The following PRKG1 variants were observed in gnomAD, a reference collection of about 807,000 sequenced individuals.
PRKG1 encodes cGMP-dependent protein kinase 1.
A neutral mutation model predicts 88.1 loss-of-function variants in PRKG1; 35 were observed. The ratio of observed to expected loss-of-function variants is 0.40; its 90% CI spans 0.30 to 0.53. The LOEUF is 0.53. PRKG1 is among the 20% of genes least tolerant of loss of function. PRKG1 has a pLI of 0.59. For synonymous variants in PRKG1, 303 were observed against 292.5 expected (o/e 1.04, Z -0.37); for missense variants, 540 against 839.8 (o/e 0.64, Z 4.41).
chr10:51,589,071 C>T (rs1838243898), intron 3 of PRKG1, among the ~76,000 whole-genome samples: 1 of 152,112 alleles, frequency 6.6e-6, no homozygotes. Context: ...AAACCATTCC[C>T]TGTCATTAGA....
rs184548617 is a variant in PRKG1 at position 51,513,136 on chromosome 10, A to C, written c.592+45300A>C. On this transcript the variant is annotated intron_variant, in intron 3 of 17. Transcript: ENST00000373980. ...CAGAGACACACATAGGCTCAAAATAAAAGGATGGAGGAAGATCTACCAAGC... is the reference window on the plus strand; with the variant it reads ...CAGAGACACACATAGGCTCAAAATACAAGGATGGAGGAAGATCTACCAAGC... Among the ~76,000 whole-genome samples the C allele has an allele frequency of 7.8e-4, 118 of 151,916 alleles. 1 individual carries two copies. Among genetic ancestry groups the C allele is most frequent in the Middle Eastern group, 3.4e-3 (1 of 294 alleles).
At chr10:51,291,783 G>A (rs1440729541) in intron 2 of PRKG1, among the ~76,000 whole-genome samples, 1 of 152,120 alleles carries the variant, frequency 6.6e-6, no homozygotes, top group Non-Finnish European at 1.5e-5. Context: ...CCTTAAAAAT[G>A]TTCAGATGTG....
At position 51,645,861 on chromosome 10, in the gene PRKG1, A is replaced by G. The variant is rs1273341979; in HGVS notation, c.593-158724A>G. On this transcript the variant is annotated intron_variant, in intron 3 of 17. Coordinates refer to ENST00000373980, the MANE Select transcript of PRKG1 (RefSeq NM_006258.4). ...TATGCTGAAGAAGAGTTGAATCTGG[A>G]TATCCACAACTAAGAAGATAGACAA... Among the ~76,000 whole-genome samples the G allele has an allele frequency of 2.0e-5, 3 of 152,170 alleles. No homozygotes were observed. The East Asian group carries it at 5.8e-4, about 29-fold the overall frequency.
At chr10:51,466,946 C>T (rs567453792) in intron 2 of PRKG1, among the ~76,000 whole-genome samples, 4 of 152,100 alleles carry the variant, frequency 2.6e-5, no homozygotes, top group Non-Finnish European at 5.9e-5. Flanking sequence ...TTATTTCTAT[C>T]TTGATTGTGT....
chr10:52,079,758 T>C (rs1455998551), intron 7 of PRKG1, among the ~76,000 whole-genome samples: 1 of 152,224 alleles, frequency 6.6e-6, no homozygotes, highest in Non-Finnish European at 1.5e-5. Context: ...GATTCTGGCC[T>C]GCACTTGGAA....
chr10:52,249,480 A>C (rs1450239137), intron 9 of PRKG1, among the ~76,000 whole-genome samples: 4 of 152,078 alleles, frequency 2.6e-5, no homozygotes, highest in African/African-American at 9.7e-5. Context: ...ATTGTTTTTA[A>C]AAGATGCTCA....
chr10:52,174,499 G>A (rs1013267978), intron 9 of PRKG1, among the ~76,000 whole-genome samples: 22 of 151,792 alleles, frequency 1.4e-4, no homozygotes, highest in African/African-American at 5.1e-4. Context: ...GAGAATTTAA[G>A]AAAAAAGGAC....
intron 7 of PRKG1, among the ~76,000 whole-genome samples, chr10:52,068,535 T>C (rs1846416985): frequency 6.6e-6 from 1 of 152,168 alleles, no homozygotes; most frequent in African/African-American, 2.4e-5. Context: ...GGGATTATGA[T>C]TACATCTAAC....
chr10:52,159,432 A>T (rs1423365609), intron 8 of PRKG1, among the ~76,000 whole-genome samples: 1 of 151,518 alleles, frequency 6.6e-6, no homozygotes, highest in African/African-American at 2.4e-5. Flanking sequence ...ACTGGATATG[A>T]TATTATGAGG....
Position 51,440,989 on chromosome 10 carries a change from C to A in PRKG1, c.479-26734C>A, listed in dbSNP as rs551279738. Among the ~76,000 whole-genome samples, 7 of 152,022 alleles carry A rather than the reference C, an allele frequency of 4.6e-5. No homozygotes were observed. In the South Asian group the frequency reaches 1.2e-3, roughly 27 times the overall value. On this transcript the variant is annotated intron_variant, in intron 2 of 17. Coordinates refer to ENST00000373980, the MANE Select transcript of PRKG1 (RefSeq NM_006258.4). ...AAATGTGGACTTTAAACATTAAAAT[C>A]TTTTGAAGTTTAAAAGAGATAAACA...
chr10:52,147,169 G>T (rs994987768), intron 8 of PRKG1, among the ~76,000 whole-genome samples: 3 of 152,110 alleles, frequency 2.0e-5, no homozygotes, highest in Admixed American at 6.5e-5. Flanking sequence ...AATGTCAAAA[G>T]TAAATAGTAA....
At chr10:51,630,671 A>G (rs1839501695) in intron 3 of PRKG1, among the ~76,000 whole-genome samples, 1 of 152,188 alleles carries the variant, frequency 6.6e-6, no homozygotes, top group Non-Finnish European at 1.5e-5. Context: ...GTGACTCATT[A>G]ATCTTCTCTA....
intron 9 of PRKG1, among the ~76,000 whole-genome samples, chr10:52,175,063 A>G (rs1350376600): frequency 6.6e-6 from 1 of 152,072 alleles, no homozygotes; most frequent in African/African-American, 2.4e-5. Flanking sequence ...CTACAATGAT[A>G]TAGAACATTA....
intron 1 of PRKG1, among the ~76,000 whole-genome samples, chr10:51,080,252 G>T (rs1477753805): frequency 6.6e-6 from 1 of 152,116 alleles, no homozygotes; most frequent in African/African-American, 2.4e-5. Context: ...GAAGATACTG[G>T]TAAGCTCTTA....
At chr10:51,516,367 T>C (rs1841583873) in intron 3 of PRKG1, among the ~76,000 whole-genome samples, 1 of 151,994 alleles carries the variant, frequency 6.6e-6, no homozygotes, top group Non-Finnish European at 1.5e-5. Flanking sequence ...GCAGTCTTTA[T>C]AGGCACAGGA....
intron 2 of PRKG1, among the ~76,000 whole-genome samples, chr10:51,391,208 CTTAG>C (rs920390853): frequency 2.0e-5 from 3 of 152,208 alleles, no homozygotes; most frequent in Admixed American, 6.5e-5. Flanking sequence ...TTGCTGCCTT[CTTAG>C]TTAATTACTA....
chr10:51,506,695 C>A (rs1055379807), intron 3 of PRKG1, among the ~76,000 whole-genome samples: 1 of 152,138 alleles, frequency 6.6e-6, no homozygotes, highest in African/African-American at 2.4e-5. Flanking sequence ...CACTTTTACA[C>A]TGTTGGTGGG....
At chr10:51,928,077 A>G (rs898422138) in intron 5 of PRKG1, among the ~76,000 whole-genome samples, 5 of 152,246 alleles carry the variant, frequency 3.3e-5, no homozygotes, top group African/African-American at 1.2e-4. Context: ...GAATTGAAAA[A>G]GGTGTTTTAA....
At chr10:51,075,140 A>T (rs1843916125) in intron 1 of PRKG1, among the ~76,000 whole-genome samples, 2 of 152,226 alleles carry the variant, frequency 1.3e-5, no homozygotes, top group South Asian at 4.1e-4. Flanking sequence ...TTAAATATAC[A>T]TATACATTCG....
Sources: gnomAD v4.1 joint callset for allele counts (sites outside exome capture counted in the v4.1 genomes callset) on GRCh38, gnomAD v4.1.1 for gene constraint, MANE v1.5 for transcripts, NCBI Gene and HGNC (gene_info 2026-07-23, HGNC 2026-07-21) for gene names.